Variants in ANKS1B observed in about 807,000 individuals in gnomAD.
The protein encoded by ANKS1B is ankyrin repeat and sterile alpha motif domain containing 1B.
Under a neutral mutation model 148.3 loss-of-function variants are expected in ANKS1B, and 36 were observed. That is an observed-to-expected ratio of 0.24 (90% CI 0.19 to 0.32). The LOEUF is 0.32. Ranked by LOEUF, ANKS1B falls within the 10% of genes least tolerant of loss-of-function variation. ANKS1B has a pLI of 1.00. For synonymous variants in ANKS1B, 542 were observed against 560.8 expected (o/e 0.97, Z 0.47); for missense variants, 1,157 against 1,542.6 (o/e 0.75, Z 4.19).
At chr12:98,844,912 G>A (rs897675841) in intron 17 of ANKS1B, among the ~76,000 whole-genome samples, 9 of 152,032 alleles carry the variant, frequency 5.9e-5, no homozygotes, top group African/African-American at 1.9e-4. Flanking sequence ...TTCTCTCAAC[G>A]GGCTGAAAAG....
intron 9 of ANKS1B, among the ~76,000 whole-genome samples, chr12:99,520,035 G>A (rs148918194): frequency 1.1e-3 from 168 of 152,174 alleles, no homozygotes; most frequent in African/African-American, 3.9e-3. Context: ...GTCTTCAAAC[G>A]TTGTTGTAGT....
At chr12:99,915,189 C>G (rs2094134332) in intron 1 of ANKS1B, among the ~76,000 whole-genome samples, 2 of 145,234 alleles carry the variant, frequency 1.4e-5, no homozygotes, top group Non-Finnish European at 3.0e-5. Flanking sequence ...CGCACCATTG[C>G]ACTCCAGCAT....
chr12:99,650,250 TTTCCAAAA>T (rs2098409334), intron 9 of ANKS1B, among the ~76,000 whole-genome samples: 1 of 93,810 alleles, frequency 1.1e-5, no homozygotes, highest in Admixed American at 1.2e-4. Flanking sequence ...CTAAAACTGT[TTTCCAAAA>T]TATAAAATGA....
At chr12:99,580,442 C>A (rs1853320557) in intron 9 of ANKS1B, among the ~76,000 whole-genome samples, 1 of 151,908 alleles carries the variant, frequency 6.6e-6, no homozygotes, top group South Asian at 2.1e-4. Context: ...AATGACAGAA[C>A]ATTGCTCAAA....
intron 17 of ANKS1B, among the ~76,000 whole-genome samples, chr12:98,915,474 C>G (rs746883227): frequency 2.0e-5 from 3 of 152,168 alleles, no homozygotes; most frequent in Admixed American, 6.5e-5. Context: ...GCCTCAGTGC[C>G]CTGAGTAGCT....
intron 1 of ANKS1B, among the ~76,000 whole-genome samples, chr12:99,866,228 G>A (rs1443371095): frequency 6.6e-6 from 1 of 152,050 alleles, no homozygotes; most frequent in Non-Finnish European, 1.5e-5. Context: ...AGGAATTAAA[G>A]CCATTTTGCC....
chr12:99,784,540 C>A (rs183491858), intron 4 of ANKS1B, among the ~76,000 whole-genome samples: 61 of 152,224 alleles, frequency 4.0e-4, no homozygotes, highest in African/African-American at 1.4e-3. Flanking sequence ...GGTCTCTCTG[C>A]CTGGCAGGAT....
intron 8 of ANKS1B, among the ~76,000 whole-genome samples, chr12:99,739,272 T>C (rs1601081085): frequency 1.3e-5 from 2 of 150,062 alleles, no homozygotes; most frequent in Non-Finnish European, 3.0e-5. Flanking sequence ...GAAACTTCCA[T>C]TTTAATATCC....
At chr12:98,876,520 C>G (rs184115805) in intron 17 of ANKS1B, among the ~76,000 whole-genome samples, 68 of 152,324 alleles carry the variant, frequency 4.5e-4, no homozygotes, top group African/African-American at 1.3e-3. Flanking sequence ...ACGTTATGGG[C>G]CTTACACGTC....
In ANKS1B at chr12:99,984,917, C is replaced by T. The variant is rs1375012610; in HGVS notation, c.-680G>A. On this transcript the variant is annotated 5_prime_UTR_variant, in exon 1 of 27. Transcript: ENST00000683438. ...CGGGCAGGTGCGGCCCCTGGTGCGG[C>T]CCGAGTTGGGTGGCGGGCTGGCGGG... 6.7e-6 allele frequency among the ~76,000 whole-genome samples: 1 copy of T among 150,358 alleles called. No homozygotes were observed. The highest frequency in any genetic ancestry group is 2.4e-5 in the African/African-American group (1 of 41,202).
intron 4 of ANKS1B, among the ~76,000 whole-genome samples, chr12:99,790,402 T>C (rs1197839570): frequency 6.6e-6 from 1 of 152,054 alleles, no homozygotes; most frequent in Non-Finnish European, 1.5e-5. Flanking sequence ...AGGAAATTAA[T>C]AAGCAATAAG....
chr12:99,437,259 C>T (rs879531777), intron 11 of ANKS1B, among the ~76,000 whole-genome samples: 15 of 151,986 alleles, frequency 9.9e-5, no homozygotes, highest in South Asian at 2.1e-4. Flanking sequence ...GAACTAATCC[C>T]ATTCATGAGA....
intron 16 of ANKS1B, 144 bp from the exon 17 acceptor site, chr12:99,053,453 A>C (rs1382063146): frequency 1.6e-6 from 1 of 619,470 alleles, no homozygotes; most frequent in Non-Finnish European, 2.5e-6. Flanking sequence ...ACACTTTCTG[A>C]TGTGTTTTCA....
At chr12:98,898,315 CAT>C (rs1372516240) in intron 17 of ANKS1B, among the ~76,000 whole-genome samples, 3 of 152,122 alleles carry the variant, frequency 2.0e-5, no homozygotes, top group Non-Finnish European at 4.4e-5. Flanking sequence ...TATATTAAAA[CAT>C]AAAGATCTTA....
At chr12:98,862,480 A>C (rs1012859193) in intron 17 of ANKS1B, among the ~76,000 whole-genome samples, 1 of 139,264 alleles carries the variant, frequency 7.2e-6, no homozygotes, top group Non-Finnish European at 1.5e-5. Flanking sequence ...TTATTACTAG[A>C]AAAAAATTGA....
intron 1 of ANKS1B, among the ~76,000 whole-genome samples, chr12:99,891,284 T>C (rs956804389): frequency 9.2e-5 from 14 of 152,204 alleles, no homozygotes; most frequent in African/African-American, 3.4e-4. Context: ...AAATTTATTA[T>C]TGCTAACTTT....
chr12:99,943,755 A>G (rs991165544), intron 1 of ANKS1B, among the ~76,000 whole-genome samples: 2 of 152,116 alleles, frequency 1.3e-5, no homozygotes, highest in Admixed American at 6.5e-5. Context: ...GGGTGGGGAC[A>G]CAGCTGAAAC....
intron 22 of ANKS1B, among the ~76,000 whole-genome samples, chr12:98,782,814 G>T (rs1280862739): frequency 6.6e-6 from 1 of 152,174 alleles, no homozygotes; most frequent in Non-Finnish European, 1.5e-5. Context: ...ATGCATCAGT[G>T]TTCCTTTGTG....
intron 8 of ANKS1B, among the ~76,000 whole-genome samples, chr12:99,706,778 T>G (rs1356132307): frequency 6.6e-6 from 1 of 152,216 alleles, no homozygotes; most frequent in East Asian, 1.9e-4. Context: ...AAAGGCCATG[T>G]GGTAAGGAAC....
Sources: allele counts gnomAD v4.1 joint callset (sites outside exome capture counted in the v4.1 genomes callset), GRCh38; gene constraint gnomAD v4.1.1; transcripts MANE v1.5; gene names NCBI Gene and HGNC (gene_info 2026-07-23, HGNC 2026-07-21).